Variants in TDRD5 observed in about 807,000 individuals in gnomAD.
TDRD5 encodes tudor domain containing 5.
TDRD5 carries 41 observed loss-of-function variants against 120.6 expected under a neutral mutation model. The observed-to-expected ratio is 0.34, with a 90% CI of 0.26 to 0.44. TDRD5 has a LOEUF of 0.44. TDRD5 is among the 20% of genes least tolerant of loss of function. The pLI, the probability that TDRD5 is intolerant of heterozygous loss-of-function variation, is 1.00. For missense variants in TDRD5, 1,006 were observed against 1,221.2 expected, an observed-to-expected ratio of 0.82 and a Z score of 2.63; for synonymous variants, 430 against 433.7, an observed-to-expected ratio of 0.99 and a Z score of 0.11.
In TDRD5 at chr1:179,634,542, T is replaced by C. The variant is rs1677653185; in HGVS notation, c.1212T>C (p.Thr404=). The stretch of plus-strand genomic sequence containing the variant: ...TGTCTACTGCTGCTGTCAAAGAGAC[T>C]GTATGGAATTGCCCTTCAAAAAAAC... The part of the protein sequence containing the change: ...NSLSTAAVKE[T]VWNCPSKKQK... Residue 404 remains threonine, a synonymous_variant, in exon 8 of 18, where the codon ACT becomes ACC. Coordinates refer to ENST00000444136, the MANE Select transcript of TDRD5 (RefSeq NM_001199085.3). 1 of 1,613,956 alleles carries C rather than the reference T, an allele frequency of 6.2e-7. No homozygotes were observed. The highest frequency in any genetic ancestry group is 1.1e-5 in the South Asian group (1 of 91,024).
chr1:179,603,410 T>C (rs2101924608), intron 4 of TDRD5, among the ~76,000 whole-genome samples: 1 of 152,320 alleles, frequency 6.6e-6, no homozygotes, highest in South Asian at 2.1e-4. Flanking sequence ...CTTTCAGTAC[T>C]ATGTTGAAGA....
Position 179,630,916 on chromosome 1 carries a change from A to G in TDRD5, c.1122A>G (p.Pro374=). ...LVFDADKKPL[P]PVQSDKKIEA... is the part of the protein sequence containing the mutation. ...TTGATGCGGATAAGAAGCCTCTACCACCTGGTGAGTGGAACCACAGTATGA... is the reference window on the plus strand; with the variant it reads ...TTGATGCGGATAAGAAGCCTCTACCGCCTGGTGAGTGGAACCACAGTATGA... Residue 374 remains proline, a synonymous_variant, in exon 7 of 18, where the codon CCA becomes CCG. Transcript: ENST00000444136. 6.2e-7 allele frequency: 1 copy of G among 1,611,894 alleles called. No homozygotes were observed. Among genetic ancestry groups the G allele is most frequent in the Non-Finnish European group, 8.5e-7 (1 of 1,179,176 alleles).
At position 179,654,238 on chromosome 1, in the gene TDRD5, A is replaced by T. The variant is rs1457314828; in HGVS notation, c.2198A>T (p.Lys733Ile). 6.5e-7 allele frequency: 1 copy of T among 1,548,348 alleles called. No homozygotes were observed. Among genetic ancestry groups the T allele is most frequent in the African/African-American group, 1.4e-5 (1 of 72,950 alleles). Residue 733 changes from lysine to isoleucine, a missense_variant, in exon 14 of 18, where the codon AAA becomes ATA. Transcript: ENST00000444136. ...INDEKSLSHL[K>I]SESKEPLKDS... Reference sequence around the variant, plus strand: ...GATGAAAAGTCTTTAAGTCATCTTAAATCTGAGTCAAAGGAGCCATTAAAG... The same window carrying T: ...GATGAAAAGTCTTTAAGTCATCTTATATCTGAGTCAAAGGAGCCATTAAAG...
At chr1:179,645,074 T>G (rs1406675949) in intron 11 of TDRD5, among the ~76,000 whole-genome samples, 1 of 110,892 alleles carries the variant, frequency 9.0e-6, no homozygotes, top group Non-Finnish European at 1.9e-5. Context: ...ATAAACATTT[T>G]TCTTTTTTTT....
At chr1:179,620,204 C>G (rs1418153035) in intron 5 of TDRD5, among the ~76,000 whole-genome samples, 1 of 152,158 alleles carries the variant, frequency 6.6e-6, no homozygotes, top group Non-Finnish European at 1.5e-5. Context: ...ATGGCTGTCT[C>G]TGGGTCACAG....
chr1:179,642,386 C>T (rs1678100963), intron 11 of TDRD5, among the ~76,000 whole-genome samples: 1 of 152,132 alleles, frequency 6.6e-6, no homozygotes, highest in South Asian at 2.1e-4. Context: ...AGGTATGAGC[C>T]ACCATGCCCA....
At chr1:179,630,108 C>T (rs527830659) in intron 6 of TDRD5, among the ~76,000 whole-genome samples, 40 of 152,126 alleles carry the variant, frequency 2.6e-4, no homozygotes, top group Admixed American at 6.5e-4. Context: ...TGCCATTCTC[C>T]GGCCTCAGCC....
chr1:179,687,288 A>G (rs1378795050), intron 17 of TDRD5, among the ~76,000 whole-genome samples: 3 of 152,130 alleles, frequency 2.0e-5, no homozygotes, highest in Admixed American at 1.3e-4. Context: ...TTCTGCCTTC[A>G]TTTTGTTATG....
intron 4 of TDRD5, among the ~76,000 whole-genome samples, 196 bp downstream of exon 4, chr1:179,596,014 C>T (rs1675371771): frequency 6.6e-6 from 1 of 152,128 alleles, no homozygotes; most frequent in African/African-American, 2.4e-5. Context: ...ACAATTTTAT[C>T]AACTCCACAG....
At chr1:179,667,322 T>C (rs1030481852) in intron 16 of TDRD5, among the ~76,000 whole-genome samples, 7 of 152,238 alleles carry the variant, frequency 4.6e-5, no homozygotes, top group African/African-American at 1.7e-4. Context: ...AGTGCATCTT[T>C]CTTAAATCAT....
chr1:179,632,486 A>G (rs1270710280), intron 7 of TDRD5, among the ~76,000 whole-genome samples: 2 of 151,924 alleles, frequency 1.3e-5, no homozygotes, highest in East Asian at 3.9e-4. Context: ...TATAAACAGC[A>G]CAGATGAGTA....
In TDRD5 at chr1:179,675,882, T is replaced by C. The variant is rs560805530; in HGVS notation, c.2860+6478T>C. Among the ~76,000 whole-genome samples the C allele has an allele frequency of 3.9e-5, 6 of 152,352 alleles. No homozygotes were observed. The South Asian group carries it at 1.2e-3, about 32-fold the overall frequency. On this transcript the variant is annotated intron_variant, in intron 17 of 17. Transcript: ENST00000444136. The stretch of plus-strand genomic sequence containing the variant: ...TATAAATATCTGTTAAATCCATTTG[T>C]TGTAGGGTATAGTTTAAGTCCACTG...
chr1:179,614,287 A>G (rs763928431), intron 4 of TDRD5, among the ~76,000 whole-genome samples: 9 of 152,198 alleles, frequency 5.9e-5, no homozygotes, highest in Admixed American at 2.0e-4. Flanking sequence ...ATTCTAATGC[A>G]ACATAATTTT....
chr1:179,656,743 T>C (rs747895669), intron 14 of TDRD5, among the ~76,000 whole-genome samples: 4 of 152,212 alleles, frequency 2.6e-5, no homozygotes, highest in Admixed American at 6.5e-5. Context: ...TAGACTTACA[T>C]AGTACCTCTT....
At chr1:179,619,563 T>C (rs1386773426) in intron 5 of TDRD5, among the ~76,000 whole-genome samples, 1 of 152,138 alleles carries the variant, frequency 6.6e-6, no homozygotes, top group African/African-American at 2.4e-5. Context: ...CAGGCCCTGT[T>C]TTTTTGTTTA....
At chr1:179,636,709 C>T (rs1677781904) in intron 9 of TDRD5, among the ~76,000 whole-genome samples, 1 of 152,236 alleles carries the variant, frequency 6.6e-6, no homozygotes, top group South Asian at 2.1e-4. Context: ...TTAATATCAT[C>T]ACTGATCTCA....
chr1:179,646,904 G>C (rs1180129161), intron 11 of TDRD5, among the ~76,000 whole-genome samples: 1 of 150,666 alleles, frequency 6.6e-6, no homozygotes, highest in African/African-American at 2.4e-5. Flanking sequence ...GGATGTGAAG[G>C]ACCTCTTCAA....
intron 4 of TDRD5, among the ~76,000 whole-genome samples, chr1:179,612,309 T>G (rs1252485787): frequency 6.6e-6 from 1 of 152,210 alleles, no homozygotes; most frequent in East Asian, 1.9e-4. Context: ...CCCTGCCCAT[T>G]GCTTTATTTC....
At chr1:179,598,125 G>A (rs1038838105) in intron 4 of TDRD5, among the ~76,000 whole-genome samples, 1 of 152,184 alleles carries the variant, frequency 6.6e-6, no homozygotes, top group South Asian at 2.1e-4. Flanking sequence ...AACCATTATA[G>A]CATGTTATTG....
Sources: allele counts gnomAD v4.1 joint callset (sites outside exome capture counted in the v4.1 genomes callset), GRCh38; gene constraint gnomAD v4.1.1; transcripts MANE v1.5; gene names NCBI Gene and HGNC (gene_info 2026-07-23, HGNC 2026-07-21).